GALNTL6: variants seen among roughly 807,000 people sequenced by gnomAD.
GALNTL6 encodes the protein polypeptide N-acetylgalactosaminyltransferase like 6.
A neutral mutation model predicts 73.7 loss-of-function variants in GALNTL6; 46 were observed. The observed-to-expected ratio is 0.62, with a 90% CI of 0.49 to 0.80. GALNTL6 has a LOEUF of 0.80. GALNTL6 is among the 30% of genes least tolerant of loss of function. The pLI, the probability that GALNTL6 is intolerant of heterozygous loss-of-function variation, is 0.00. For synonymous variants in GALNTL6, 259 were observed against 263.7 expected (o/e 0.98, Z 0.17); for missense variants, 604 against 755.0 (o/e 0.80, Z 2.34).
At chr4:172,130,162 G>C (rs1016258191) in intron 2 of GALNTL6, among the ~76,000 whole-genome samples, 4 of 148,798 alleles carry the variant, frequency 2.7e-5, no homozygotes, top group African/African-American at 9.9e-5. Context: ...GGCAGTTGTT[G>C]GGTAGATCTC....
At chr4:172,955,082 C>A (rs963695842) in intron 10 of GALNTL6, among the ~76,000 whole-genome samples, 3 of 152,110 alleles carry the variant, frequency 2.0e-5, no homozygotes, top group African/African-American at 7.2e-5. Context: ...GAAACATGTA[C>A]ATTTAATGCA....
chr4:172,294,260 T>C (rs1301302281), intron 3 of GALNTL6, among the ~76,000 whole-genome samples: 8 of 152,182 alleles, frequency 5.3e-5, no homozygotes, highest in Non-Finnish European at 8.8e-5. Context: ...ATTTTCTTTA[T>C]AGTTTTTCTT....
chr4:172,357,541 A>T (rs1411246734), intron 5 of GALNTL6, among the ~76,000 whole-genome samples: 1 of 151,922 alleles, frequency 6.6e-6, no homozygotes, highest in Non-Finnish European at 1.5e-5. Flanking sequence ...TTAAATACAC[A>T]TCCTTTATTT....
chr4:172,644,326 C>G (rs1382263586), intron 5 of GALNTL6, among the ~76,000 whole-genome samples: 1 of 151,876 alleles, frequency 6.6e-6, no homozygotes, highest in Non-Finnish European at 1.5e-5. Flanking sequence ...TACACACACA[C>G]ACAAACCTAT....
chr4:172,364,243 C>T (rs1193192939), intron 5 of GALNTL6, among the ~76,000 whole-genome samples: 1 of 152,028 alleles, frequency 6.6e-6, no homozygotes, highest in East Asian at 1.9e-4. Context: ...GGTAAAATAG[C>T]AAGAGTCTGT....
intron 2 of GALNTL6, among the ~76,000 whole-genome samples, chr4:172,020,074 A>C (rs1741347622): frequency 6.6e-6 from 1 of 152,160 alleles, no homozygotes; most frequent in Non-Finnish European, 1.5e-5. Context: ...CCAGTGAATC[A>C]ATGAATAAAT....
chr4:173,012,347 C>T (rs1162033305), intron 11 of GALNTL6, among the ~76,000 whole-genome samples: 1 of 152,174 alleles, frequency 6.6e-6, no homozygotes, highest in Non-Finnish European at 1.5e-5. Flanking sequence ...CACCTCACTG[C>T]CCCTCCCTGC....
intron 4 of GALNTL6, among the ~76,000 whole-genome samples, chr4:172,316,120 TA>T (rs1332575214): frequency 1.3e-5 from 2 of 152,118 alleles, no homozygotes; most frequent in African/African-American, 4.8e-5. Flanking sequence ...AAATACCCCG[TA>T]AACATGATAT....
intron 2 of GALNTL6, among the ~76,000 whole-genome samples, chr4:172,125,868 T>C (rs1733280802): frequency 6.6e-6 from 1 of 152,124 alleles, no homozygotes; most frequent in African/African-American, 2.4e-5. Context: ...TCTAAGTCCA[T>C]ATTTTGATAC....
chr4:171,834,130 T>G (rs1380038850), intron 2 of GALNTL6, among the ~76,000 whole-genome samples: 2 of 152,010 alleles, frequency 1.3e-5, no homozygotes, highest in African/African-American at 2.4e-5. Context: ...TGTAAGCAGA[T>G]GCTATAGTGT....
intron 2 of GALNTL6, among the ~76,000 whole-genome samples, chr4:171,891,430 A>T (rs1163162254): frequency 6.6e-6 from 1 of 152,190 alleles, no homozygotes; most frequent in African/African-American, 2.4e-5. Flanking sequence ...TAAGCATTTT[A>T]AAATTATTTG....
At chr4:172,579,356 T>C (rs1737079624) in intron 5 of GALNTL6, among the ~76,000 whole-genome samples, 1 of 152,338 alleles carries the variant, frequency 6.6e-6, no homozygotes, top group South Asian at 2.1e-4. Flanking sequence ...GAAAAATTTA[T>C]GTTGGTATAG....
At chr4:172,103,936 C>T (rs868071578) in intron 2 of GALNTL6, among the ~76,000 whole-genome samples, 9 of 112,644 alleles carry the variant, frequency 8.0e-5, no homozygotes, top group Non-Finnish European at 1.2e-4. Flanking sequence ...TTGTTTTTTT[C>T]TTTTCTTTTT....
intron 2 of GALNTL6, among the ~76,000 whole-genome samples, chr4:172,066,872 C>T (rs527820276): frequency 1.3e-5 from 2 of 152,178 alleles, no homozygotes; most frequent in African/African-American, 4.8e-5. Context: ...TCTCCCTAAC[C>T]TTTACCTGTA....
At chr4:172,728,060 C>T (rs1317826332) in intron 5 of GALNTL6, among the ~76,000 whole-genome samples, 1 of 152,038 alleles carries the variant, frequency 6.6e-6, no homozygotes, top group Non-Finnish European at 1.5e-5. Context: ...CTATAGGCAC[C>T]TGCCACCACG....
At chr4:172,215,158 G>C (rs902641223) in intron 2 of GALNTL6, among the ~76,000 whole-genome samples, 2 of 151,790 alleles carry the variant, frequency 1.3e-5, no homozygotes, top group Non-Finnish European at 2.9e-5. Flanking sequence ...TTTTAAATTT[G>C]GTGTGTTTCG....
intron 5 of GALNTL6, among the ~76,000 whole-genome samples, chr4:172,419,594 G>A (rs1322005751): frequency 6.6e-6 from 1 of 152,106 alleles, no homozygotes; most frequent in Admixed American, 6.6e-5. Flanking sequence ...TTTCTGGAGT[G>A]ACTTTCGAAT....
At chr4:172,594,845 A>G (rs1390204246) in intron 5 of GALNTL6, among the ~76,000 whole-genome samples, 1 of 152,198 alleles carries the variant, frequency 6.6e-6, no homozygotes, top group Non-Finnish European at 1.5e-5. Flanking sequence ...CTTGGGAAAT[A>G]TCCTTATTGG....
chr4:172,470,687 A>G (rs1038080806), intron 5 of GALNTL6, among the ~76,000 whole-genome samples: 4 of 152,228 alleles, frequency 2.6e-5, no homozygotes, highest in Non-Finnish European at 5.9e-5. Context: ...AAAAAAAGGA[A>G]AAAAAGGTTT....
Sources: allele counts gnomAD v4.1 joint callset (sites outside exome capture counted in the v4.1 genomes callset), GRCh38; gene constraint gnomAD v4.1.1; transcripts MANE v1.5; gene names NCBI Gene and HGNC (gene_info 2026-07-23, HGNC 2026-07-21).